Variants in MCTP1 observed in about 807,000 individuals in gnomAD.
MCTP1 encodes multiple C2 and transmembrane domain containing 1, also known as multiple C2 and transmembrane domain-containing protein 1.
In MCTP1, 69 loss-of-function variants were observed where a neutral mutation model predicts 120.6. The ratio of observed to expected loss-of-function variants is 0.57; its 90% CI spans 0.47 to 0.70. The LOEUF is 0.70. Ranked by LOEUF, MCTP1 falls within the 30% of genes least tolerant of loss-of-function variation. The pLI is 0.00. For synonymous variants in MCTP1, 529 were observed against 493.1 expected (o/e 1.07, Z -0.96); for missense variants, 1,203 against 1,248.8 (o/e 0.96, Z 0.55).
intron 2 of MCTP1, among the ~76,000 whole-genome samples, chr5:94,987,556 C>A (rs1830641186): frequency 6.6e-6 from 1 of 151,960 alleles, no homozygotes; most frequent in Non-Finnish European, 1.5e-5. Flanking sequence ...GAGTACAAAT[C>A]AAAAGTAAAA....
intron 1 of MCTP1, among the ~76,000 whole-genome samples, chr5:95,283,218 G>T (rs1387039219): frequency 6.6e-6 from 1 of 152,312 alleles, no homozygotes; most frequent in East Asian, 1.9e-4. Flanking sequence ...ACTTTAAAAA[G>T]CAAGTGCTTC....
At chr5:95,182,062 A>G (rs1295601688) in intron 1 of MCTP1, among the ~76,000 whole-genome samples, 2 of 152,234 alleles carry the variant, frequency 1.3e-5, no homozygotes, top group African/African-American at 4.8e-5. Context: ...AAATGTAAAT[A>G]GAGTTACAAA....
chr5:95,208,445 T>C (rs761759705), intron 1 of MCTP1, among the ~76,000 whole-genome samples: 2 of 152,188 alleles, frequency 1.3e-5, no homozygotes, highest in Non-Finnish European at 2.9e-5. Flanking sequence ...AATACAGATA[T>C]TGTAACAGCA....
chr5:95,037,449 C>T (rs777171255), intron 1 of MCTP1, among the ~76,000 whole-genome samples: 1 of 152,104 alleles, frequency 6.6e-6, no homozygotes, highest in Non-Finnish European at 1.5e-5. Flanking sequence ...AACATGTTAA[C>T]GTGAGCTATT....
intron 19 of MCTP1, among the ~76,000 whole-genome samples, chr5:94,743,043 T>C (rs1280667640): frequency 6.6e-6 from 1 of 150,932 alleles, no homozygotes; most frequent in African/African-American, 2.4e-5. Flanking sequence ...GAAGACTTCA[T>C]AGGGAAAATA....
At chr5:95,260,797 A>G (rs1427537166) in intron 1 of MCTP1, among the ~76,000 whole-genome samples, 1 of 152,170 alleles carries the variant, frequency 6.6e-6, no homozygotes, top group African/African-American at 2.4e-5. Context: ...CCAGCACAGA[A>G]CAAATGACCA....
At chr5:94,989,579 T>G (rs1305742242) in intron 2 of MCTP1, among the ~76,000 whole-genome samples, 1 of 152,182 alleles carries the variant, frequency 6.6e-6, no homozygotes, top group Non-Finnish European at 1.5e-5. Context: ...ACACAAAAGC[T>G]TCTAAGACCT....
chr5:94,946,133 A>G (rs1818851716), intron 3 of MCTP1, among the ~76,000 whole-genome samples: 1 of 152,170 alleles, frequency 6.6e-6, no homozygotes, highest in African/African-American at 2.4e-5. Flanking sequence ...GGTAAATGAT[A>G]CAGCCTAATC....
chr5:95,177,298 G>C (rs555501573), intron 1 of MCTP1, among the ~76,000 whole-genome samples: 1 of 152,234 alleles, frequency 6.6e-6, no homozygotes, highest in Non-Finnish European at 1.5e-5. Context: ...CTGTAGGGAA[G>C]ACTCCAAAGG....
chr5:95,277,043 T>A (rs1378667175), intron 1 of MCTP1, among the ~76,000 whole-genome samples: 1 of 151,564 alleles, frequency 6.6e-6, no homozygotes, highest in East Asian at 1.9e-4. Context: ...AAGGAGAGTA[T>A]CTTGAGCCAA....
intron 1 of MCTP1, among the ~76,000 whole-genome samples, chr5:95,200,153 A>G (rs1006742288): frequency 1.3e-5 from 2 of 149,484 alleles, no homozygotes; most frequent in African/African-American, 2.5e-5. Flanking sequence ...AGAGTGAGAC[A>G]CTATCTCAAA....
chr5:95,218,486 T>A (rs74905850), intron 1 of MCTP1, among the ~76,000 whole-genome samples: 2,807 of 152,290 alleles, frequency 0.018, 80 homozygotes, highest in African/African-American at 0.063. Flanking sequence ...ACACTCTAAA[T>A]CAGGTAGAGA....
chr5:94,713,621 T>C (rs1757902986), intron 20 of MCTP1, among the ~76,000 whole-genome samples: 1 of 152,084 alleles, frequency 6.6e-6, no homozygotes, highest in African/African-American at 2.4e-5. Flanking sequence ...AGGTAAACAT[T>C]CTTAGAGATG....
chr5:95,284,611 C>T lies in MCTP1; in HGVS notation c.-36G>A. 1.5e-6 allele frequency: 2 copies of T among 1,355,176 alleles called. No homozygotes were observed. Among genetic ancestry groups the T allele is most frequent in the Non-Finnish European group, 1.9e-6 (2 of 1,048,872 alleles). 83.9% of individuals were successfully genotyped at this position (1,355,176 alleles called of 1,614,324 possible). A position where few individuals can be genotyped will look rare whatever the true frequency, so the allele number is the denominator to read the frequency against. The stretch of plus-strand genomic sequence containing the variant: ...CTGCTCCTCCTCTCCCCTCCTCCTC[C>T]TCCTCCTCCTCCTGCTTCTCCTCCC... On this transcript the variant is annotated 5_prime_UTR_variant, in exon 1 of 23. Transcript: ENST00000515393. This position sits in a 1 kb window ranked among gnomAD's most constrained non-coding sequence, Gnocchi z 5.2.
chr5:94,912,093 T>TA (rs1808769294), intron 9 of MCTP1, among the ~76,000 whole-genome samples: 1 of 152,020 alleles, frequency 6.6e-6, no homozygotes, highest in Non-Finnish European at 1.5e-5. Context: ...TGTATAAGAG[T>TA]AACATACAAA....
intron 1 of MCTP1, among the ~76,000 whole-genome samples, chr5:95,151,934 C>T (rs1760930594): frequency 6.6e-6 from 1 of 152,242 alleles, no homozygotes; most frequent in Non-Finnish European, 1.5e-5. Context: ...CTCCCCTTAA[C>T]ACTCAGAAAT....
chr5:95,136,484 G>A (rs1026023184), intron 1 of MCTP1, among the ~76,000 whole-genome samples: 4 of 152,216 alleles, frequency 2.6e-5, no homozygotes, highest in South Asian at 2.1e-4. Flanking sequence ...GATGGAAAAC[G>A]GGAAGCTGGA....
In MCTP1 at chr5:95,081,883, G is replaced by A. The variant is rs182208623; in HGVS notation, c.721-64399C>T. 906 of 962,486 alleles carry A rather than the reference G, an allele frequency of 9.4e-4. 9 individuals are homozygous for A. In the African/African-American group the frequency reaches 0.015, roughly 16 times the overall value. 59.6% of individuals were successfully genotyped at this position (962,486 alleles called of 1,614,324 possible). A position where few individuals can be genotyped will look rare whatever the true frequency, so the allele number is the denominator to read the frequency against. On this transcript the variant is annotated intron_variant, in intron 1 of 22. Coordinates refer to ENST00000515393, the MANE Select transcript of MCTP1 (RefSeq NM_024717.7). ...CTTCCTCATGGCAAAAGCCACAACA[G>A]GAAATGAGAATAACAACACTGCACA... is the stretch of plus-strand genomic sequence containing the variant.
chr5:94,835,208 A>T (rs1199976460), intron 17 of MCTP1, among the ~76,000 whole-genome samples: 1 of 152,186 alleles, frequency 6.6e-6, no homozygotes, highest in Non-Finnish European at 1.5e-5. Flanking sequence ...TTGAAAGGGA[A>T]GGTGATTTTA....
Sources: allele counts gnomAD v4.1 joint callset (sites outside exome capture counted in the v4.1 genomes callset), GRCh38; gene constraint gnomAD v4.1.1; non-coding constraint Gnocchi (gnomAD v3.1); transcripts MANE v1.5; gene names NCBI Gene and HGNC (gene_info 2026-07-23, HGNC 2026-07-21).